The following PSPH variants were observed in gnomAD, a reference collection of about 807,000 sequenced individuals.
PSPH encodes the protein L-3-phosphoserine phosphatase.
A neutral mutation model predicts 23.4 loss-of-function variants in PSPH; 16 were observed. The observed-to-expected ratio is 0.68, with a 90% CI of 0.46 to 1.04. The LOEUF (loss-of-function observed/expected upper bound fraction) is 1.04, where lower values mean the gene tolerates loss of function less well. PSPH is among the 50% of genes least tolerant of loss of function. The pLI, the probability that PSPH is intolerant of heterozygous loss-of-function variation, is 0.00. For missense variants in PSPH, 223 were observed against 273.7 expected (o/e 0.81, Z 1.31); for synonymous variants, 68 against 99.7 (o/e 0.68, Z 1.89).
intron 1 of PSPH, among the ~76,000 whole-genome samples, chr7:56,034,880 A>C (rs1366861990): frequency 6.6e-6 from 1 of 150,946 alleles, no homozygotes; most frequent in Non-Finnish European, 1.5e-5. Context: ...TTTGCACCTT[A>C]CTTTTATTTT....
At chr7:56,019,776 T>A in intron 4 of PSPH, 42 bp from the exon 5 acceptor site, 1 of 1,608,696 alleles carries the variant, frequency 6.2e-7, no homozygotes, top group East Asian at 2.2e-5. Context: ...AGGTCCGATG[T>A]CCTCAAGGTT....
At chr7:56,013,434 G>A (rs1352897900) in intron 7 of PSPH, among the ~76,000 whole-genome samples, 1 of 152,046 alleles carries the variant, frequency 6.6e-6, no homozygotes, top group Non-Finnish European at 1.5e-5. Flanking sequence ...TGGGAAGATC[G>A]CTTGGTCTGG....
chr7:56,037,615 G>T (rs542478343), intron 1 of PSPH, among the ~76,000 whole-genome samples: 97 of 151,418 alleles, frequency 6.4e-4, no homozygotes, highest in Middle Eastern at 3.4e-3. Context: ...GGGTCTCATT[G>T]GTCTCCAACT....
At chr7:56,026,731 T>A (rs544758831) in intron 3 of PSPH, among the ~76,000 whole-genome samples, 1 of 152,154 alleles carries the variant, frequency 6.6e-6, no homozygotes, top group Non-Finnish European at 1.5e-5. Flanking sequence ...CCAGGCAGGC[T>A]CACTGTAAAG....
chr7:56,036,767 A>G (rs949413361), intron 1 of PSPH, among the ~76,000 whole-genome samples: 2 of 152,122 alleles, frequency 1.3e-5, no homozygotes, highest in African/African-American at 2.4e-5. Flanking sequence ...AGCACATCAC[A>G]TTAAAATATA....
chr7:56,015,528 C>A (rs1255275904), intron 6 of PSPH, among the ~76,000 whole-genome samples: 4 of 151,756 alleles, frequency 2.6e-5, no homozygotes, highest in Non-Finnish European at 5.9e-5. Flanking sequence ...TTATAACTAT[C>A]AATTGTAGAG....
chr7:56,030,917 C>A (rs1481021447), intron 3 of PSPH, among the ~76,000 whole-genome samples: 1 of 148,754 alleles, frequency 6.7e-6, no homozygotes, highest in Non-Finnish European at 1.5e-5. Flanking sequence ...ACAACAACAA[C>A]AAAAAACTGA....
chr7:56,032,982 A>G (rs1282950234), intron 2 of PSPH, among the ~76,000 whole-genome samples: 4 of 151,600 alleles, frequency 2.6e-5, no homozygotes, highest in Non-Finnish European at 5.9e-5. Context: ...AAAGGAGGGT[A>G]GGTATCAGGC....
chr7:56,034,386 G>A (rs1263989177), intron 1 of PSPH, among the ~76,000 whole-genome samples: 1 of 152,222 alleles, frequency 6.6e-6, no homozygotes, highest in African/African-American at 2.4e-5. Context: ...AAGGATAGGT[G>A]AGGGAAGCAA....
At chr7:56,021,005 T>C in intron 4 of PSPH, 68 bp downstream of exon 4, 1 of 1,523,160 alleles carries the variant, frequency 6.6e-7, no homozygotes, top group Non-Finnish European at 8.8e-7. Context: ...GGTCTAGCAC[T>C]TCATCCAAAA....
At chr7:56,046,094 G>A (rs976471257) in intron 1 of PSPH, among the ~76,000 whole-genome samples, 3 of 151,788 alleles carry the variant, frequency 2.0e-5, no homozygotes, top group Non-Finnish European at 2.9e-5. Flanking sequence ...CTCAGCTCGG[G>A]GAATCTATTG....
In PSPH at chr7:56,045,612, C is replaced by T. The variant is rs551147673; in HGVS notation, c.-292+5526G>A. 3.9e-5 allele frequency among the ~76,000 whole-genome samples: 6 copies of T among 152,028 alleles called. No individual in the cohort carries two copies. In the East Asian group the frequency reaches 7.8e-4, roughly 20 times the overall value. On this transcript the variant is annotated intron_variant, in intron 1 of 7. Coordinates refer to ENST00000275605, the MANE Select transcript of PSPH (RefSeq NM_004577.4). ...CTAAGAAAGAAGACTCCTGGCCAGG[C>T]GCGGTGGCTCCAGGCCTGTAATCCC...
rs34329610 is a variant in PSPH at position 56,013,156 on chromosome 7, T to TACACACACACACAC, written c.571-1301_571-1288dup. On this transcript the variant is annotated intron_variant, in intron 7 of 7. Transcript: ENST00000275605. ...ATATATACGTATATGTGTATGTGTATACACACACACACACACACACACACA... is the reference window on the plus strand; with the variant it reads ...ATATATACGTATATGTGTATGTGTATACACACACACACACACACACACACACACACACACACACA... Among the ~76,000 whole-genome samples, 824 of 142,154 alleles carry TACACACACACACAC rather than the reference T, an allele frequency of 5.8e-3. 6 individuals carry two copies. The highest frequency in any genetic ancestry group is 0.014 in the Admixed American group (187 of 13,782). 93.3% of individuals were successfully genotyped at this position (142,154 alleles called of 152,430 possible). A position where few individuals can be genotyped will look rare whatever the true frequency, so the allele number is the denominator to read the frequency against.
chr7:56,049,844 A>G (rs80079623), intron 1 of PSPH, among the ~76,000 whole-genome samples: 5,802 of 151,378 alleles, frequency 0.038, 157 homozygotes, highest in African/African-American at 0.073. Flanking sequence ...GAGTTCAAGC[A>G]ATTCTCATGC....
intron 3 of PSPH, among the ~76,000 whole-genome samples, chr7:56,030,905 AAAC>A (rs890324806): frequency 1.8e-4 from 27 of 150,958 alleles, no homozygotes; most frequent in Non-Finnish European, 2.4e-4. Context: ...TGAAAACAAA[AAAC>A]AACAACAACA....
chr7:56,024,177 A>C (rs1287728845), intron 3 of PSPH, among the ~76,000 whole-genome samples: 1 of 151,610 alleles, frequency 6.6e-6, no homozygotes, highest in Non-Finnish European at 1.5e-5. Flanking sequence ...GGCCTCTCAA[A>C]GTGCTGGGAT....
chr7:56,039,425 T>G (rs552747652), intron 1 of PSPH, among the ~76,000 whole-genome samples: 42 of 152,288 alleles, frequency 2.8e-4, no homozygotes, highest in African/African-American at 1.0e-3. Flanking sequence ...GCTTTTTATA[T>G]CTGTGTGTAT....
Position 56,013,154 on chromosome 7 carries a change from T to TAC in PSPH, c.571-1286_571-1285insGT, listed in dbSNP as rs1491339226. Among the ~76,000 whole-genome samples, 30 of 72,396 alleles carry TAC rather than the reference T, an allele frequency of 4.1e-4. 1 individual carries two copies. The highest frequency in any genetic ancestry group is 1.3e-3 in the African/African-American group (28 of 21,252). 47.5% of individuals were successfully genotyped at this position (72,396 alleles called of 152,430 possible). A position where few individuals can be genotyped will look rare whatever the true frequency, so the allele number is the denominator to read the frequency against. On this transcript the variant is annotated intron_variant, in intron 7 of 7. Coordinates refer to ENST00000275605, the MANE Select transcript of PSPH (RefSeq NM_004577.4). ...ATATATATACGTATATGTGTATGTG[T>TAC]ATACACACACACACACACACACACA...
chr7:56,041,209 C>CTTTTTTTTT, intron 1 of PSPH, among the ~76,000 whole-genome samples: 1 of 130,404 alleles, frequency 7.7e-6, no homozygotes, highest in Non-Finnish European at 1.6e-5. Flanking sequence ...CTCTCTCTCT[C>CTTTTTTTTT]TTTTTTTTTT....
Sources: allele counts gnomAD v4.1 joint callset (sites outside exome capture counted in the v4.1 genomes callset), GRCh38; gene constraint gnomAD v4.1.1; transcripts MANE v1.5; gene names NCBI Gene and HGNC (gene_info 2026-07-23, HGNC 2026-07-21).